ARID4B: variants seen among roughly 807,000 people sequenced by gnomAD.
ARID4B encodes AT-rich interaction domain 4B.
Under a neutral mutation model 147.5 loss-of-function variants are expected in ARID4B, and 26 were observed. That is an observed-to-expected ratio of 0.18 (90% CI 0.13 to 0.24). The LOEUF is 0.24. Ranked by LOEUF, ARID4B falls within the 10% of genes least tolerant of loss-of-function variation. The probability of loss-of-function intolerance (pLI) is 1.00; values close to 1 mark genes in which losing one functional copy is unlikely to be tolerated. For synonymous variants in ARID4B, 512 were observed against 507.9 expected, an observed-to-expected ratio of 1.01 and a Z score of -0.11; for missense variants, 1,179 against 1,511.5, an observed-to-expected ratio of 0.78 and a Z score of 3.65.
At chr1:235,215,806 C>T (rs1350272888) in intron 16 of ARID4B, among the ~76,000 whole-genome samples, 2 of 151,622 alleles carry the variant, frequency 1.3e-5, no homozygotes, top group Admixed American at 1.3e-4. Context: ...TTAGGCTGGT[C>T]TTGAACTCCC....
intron 2 of ARID4B, among the ~76,000 whole-genome samples, chr1:235,268,524 GATTT>G (rs1277688269): frequency 6.6e-6 from 1 of 152,012 alleles, no homozygotes; most frequent in Non-Finnish European, 1.5e-5. Context: ...CCTACATCTT[GATTT>G]ATTTATTTAT....
chr1:235,216,155 A>G (rs879005688), intron 16 of ARID4B, among the ~76,000 whole-genome samples: 1 of 152,108 alleles, frequency 6.6e-6, no homozygotes, highest in Non-Finnish European at 1.5e-5. Flanking sequence ...AGTATCAAAT[A>G]TATCAATTTT....
intron 2 of ARID4B, among the ~76,000 whole-genome samples, chr1:235,283,960 C>T (rs1361421652): frequency 6.6e-6 from 1 of 151,980 alleles, no homozygotes; most frequent in East Asian, 1.9e-4. Context: ...TGGTCTCAAA[C>T]TCCCGGCCTC....
intron 19 of ARID4B, among the ~76,000 whole-genome samples, chr1:235,193,070 G>A (rs759825890): frequency 1.5e-4 from 22 of 149,836 alleles, no homozygotes; most frequent in Non-Finnish European, 2.7e-4. Flanking sequence ...CTCCAGCCTG[G>A]GTGACAGAGC....
intron 17 of ARID4B, among the ~76,000 whole-genome samples, chr1:235,202,924 A>G (rs191373430): frequency 6.6e-6 from 1 of 152,266 alleles, no homozygotes. Context: ...AAACACCTCT[A>G]AGGTATCTAT....
intron 8 of ARID4B, among the ~76,000 whole-genome samples, chr1:235,236,492 TTGTGTGTGTG>T (rs111585112): frequency 0.037 from 5,407 of 147,130 alleles, 123 homozygotes; most frequent in Non-Finnish European, 0.049. Flanking sequence ...TACAAAACAG[TTGTGTGTGTG>T]TGTGTGTGTG....
intron 2 of ARID4B, among the ~76,000 whole-genome samples, chr1:235,267,646 C>T (rs927423127): frequency 2.6e-5 from 4 of 152,132 alleles, no homozygotes; most frequent in Admixed American, 1.3e-4. Context: ...TCCTGGCTAA[C>T]CCGGTGAAAC....
At chr1:235,203,987 G>A (rs1190996334) in intron 17 of ARID4B, among the ~76,000 whole-genome samples, 3 of 152,030 alleles carry the variant, frequency 2.0e-5, no homozygotes, top group African/African-American at 7.3e-5. Flanking sequence ...TTTTAATCAT[G>A]TATCTACAAT....
chr1:235,298,811 TA>T (rs1233222691), intron 2 of ARID4B, among the ~76,000 whole-genome samples: 7 of 152,164 alleles, frequency 4.6e-5, no homozygotes, highest in African/African-American at 1.7e-4. Flanking sequence ...ATTTAAGTTA[TA>T]ACTCAAGGGG....
At chr1:235,230,125 T>C (rs1668104818) in intron 10 of ARID4B, among the ~76,000 whole-genome samples, 1 of 151,996 alleles carries the variant, frequency 6.6e-6, no homozygotes, top group Admixed American at 6.6e-5. Context: ...CAAAATTACT[T>C]TGATTCCTCA....
intron 2 of ARID4B, among the ~76,000 whole-genome samples, chr1:235,264,037 CT>C (rs1471647334): frequency 6.6e-6 from 1 of 152,024 alleles, no homozygotes; most frequent in Non-Finnish European, 1.5e-5. Context: ...CTAATAAAAG[CT>C]GCTAAAACTG....
chr1:235,194,079 C>G lies in ARID4B; in HGVS notation c.2059G>C (p.Ala687Pro), dbSNP rs771811858. The G allele has an allele frequency of 4.3e-6, 7 of 1,613,174 alleles. No individual in the cohort carries two copies. Among genetic ancestry groups the G allele is most frequent in the Non-Finnish European group, 5.9e-6 (7 of 1,179,246 alleles). Residue 687 changes from alanine to proline, a missense_variant, in exon 19 of 24, where the codon GCC becomes CCC. Physicochemically the swap from Ala to Pro is conservative, Grantham distance 27. Around this residue, in one of 10 missense-constraint regions of ARID4B, gnomAD observed 321 missense variants for 342.4 expected, o/e 0.94. Coordinates refer to ENST00000264183, the MANE Select transcript of ARID4B (RefSeq NM_016374.6). ...EMVSKLDLTD[A>P]KNSDTAHIKS... ...ATATGAGCAGTATCAGAGTTTTTGG[C>G]ATCAGTGAGATCCAGTTTGGATACC...
chr1:235,296,788 A>G lies in ARID4B; in HGVS notation c.6+30126T>C, dbSNP rs190733389. On this transcript the variant is annotated intron_variant, in intron 2 of 23. Transcript: ENST00000264183. ...ATTTACTCTAATTAAAAAAAAAAAA[A>G]AGGAGGAAGGAAGGAAGGAAGGAAG... Among the ~76,000 whole-genome samples the G allele has an allele frequency of 2.0e-4, 16 of 80,662 alleles. 1 individual carries two copies. The highest frequency in any genetic ancestry group is 0.011 in the Middle Eastern group (2 of 180). 52.9% of individuals were successfully genotyped at this position (80,662 alleles called of 152,430 possible).
At chr1:235,216,124 A>C (rs1667057239) in intron 16 of ARID4B, among the ~76,000 whole-genome samples, 2 of 152,184 alleles carry the variant, frequency 1.3e-5, no homozygotes, top group East Asian at 1.9e-4. Context: ...GGACCGGTGG[A>C]AGTAAGTCCG....
At chr1:235,173,752 AAAAAAAAAAAAAAAAAAAAAT>A (rs1160606120) in intron 22 of ARID4B, among the ~76,000 whole-genome samples, 2 of 37,304 alleles carry the variant, frequency 5.4e-5, no homozygotes, top group Non-Finnish European at 8.7e-5. Flanking sequence ...TAAAAAAAAA[AAAAAAAAAAAAAAAAAAAAAT>A]ATATATATAT....
intron 2 of ARID4B, among the ~76,000 whole-genome samples, chr1:235,323,188 C>A (rs556857425): frequency 6.6e-6 from 1 of 151,996 alleles, no homozygotes; most frequent in Non-Finnish European, 1.5e-5. Flanking sequence ...CAGGCATGCG[C>A]CACCATGCCC....
chr1:235,292,681 C>CTTT (rs991690530), intron 2 of ARID4B, among the ~76,000 whole-genome samples: 3 of 151,286 alleles, frequency 2.0e-5, no homozygotes, highest in Non-Finnish European at 4.4e-5. Flanking sequence ...CCTAAAAAAT[C>CTTT]TTTTTTTCAA....
In ARID4B at chr1:235,292,144, C is replaced by T. The variant is rs10925343; in HGVS notation, c.7-31392G>A. Among the ~76,000 whole-genome samples the T allele has an allele frequency of 7.1e-3, 1,078 of 152,248 alleles. 17 individuals carry two copies. The highest frequency in any genetic ancestry group is 0.024 in the African/African-American group (997 of 41,552). ...ATGTAAGTTGTTTGCTTCTTCATTT[C>T]GTTACATATTATATTTCATATGATT... On this transcript the variant is annotated intron_variant, in intron 2 of 23. Transcript: ENST00000264183.
chr1:235,245,026 G>T (rs966990434), intron 7 of ARID4B, among the ~76,000 whole-genome samples: 1 of 152,202 alleles, frequency 6.6e-6, no homozygotes, highest in Non-Finnish European at 1.5e-5. Context: ...CCGTGGTAGA[G>T]AAGGGCAAGG....
Sources: allele counts gnomAD v4.1 joint callset (sites outside exome capture counted in the v4.1 genomes callset), GRCh38; gene constraint gnomAD v4.1.1; regional missense constraint gnomAD v4.1.1; transcripts MANE v1.5; gene names NCBI Gene and HGNC (gene_info 2026-07-23, HGNC 2026-07-21).